The following KLHL12 variants were observed in gnomAD, a reference collection of about 807,000 sequenced individuals.
KLHL12 encodes the protein kelch-like protein 12.
A neutral mutation model predicts 60.8 loss-of-function variants in KLHL12; 17 were observed. The observed-to-expected ratio is 0.28, with a 90% CI of 0.19 to 0.42. The LOEUF (loss-of-function observed/expected upper bound fraction) is 0.42. Ranked by LOEUF, KLHL12 falls within the 10% of genes least tolerant of loss-of-function variation. KLHL12 has a pLI of 1.00. For missense variants in KLHL12, 468 were observed against 722.3 expected (o/e 0.65, Z 4.04); for synonymous variants, 220 against 250.9 (o/e 0.88, Z 1.16).
At chr1:202,916,345 C>T (rs1047197133) in intron 4 of KLHL12, among the ~76,000 whole-genome samples, 1 of 152,204 alleles carries the variant, frequency 6.6e-6, no homozygotes, top group African/African-American at 2.4e-5. Flanking sequence ...AAACACTTGG[C>T]TAAAATTTGA....
chr1:202,894,114 T>C (rs948689583), intron 10 of KLHL12, 70 bp downstream of exon 10: 1 of 837,392 alleles, frequency 1.2e-6, no homozygotes, highest in Non-Finnish European at 2.0e-6. Flanking sequence ...GTTTGTCCCA[T>C]GCACCACCAT....
intron 2 of KLHL12, among the ~76,000 whole-genome samples, chr1:202,922,866 G>A (rs959202418): frequency 1.3e-5 from 2 of 150,646 alleles, no homozygotes; most frequent in Non-Finnish European, 3.0e-5. Context: ...AAAAAAAAAA[G>A]AGAGAGAGAG....
Position 202,891,478 on chromosome 1 carries a change from T to C in KLHL12, c.*1055A>G, listed in dbSNP as rs904194609. The stretch of plus-strand genomic sequence containing the variant: ...CAAACACAGCAGTACAAACCACTCC[T>C]TGGCAGACATGTGCTTCTAAAAGAA... On this transcript the variant is annotated 3_prime_UTR_variant, in exon 12 of 12. Coordinates refer to ENST00000367261, the MANE Select transcript of KLHL12 (RefSeq NM_021633.4). 1.3e-5 allele frequency: 2 copies of C among 152,500 alleles called. No individual in the cohort carries two copies. The highest frequency in any genetic ancestry group is 6.5e-5 in the Admixed American group (1 of 15,286). 9.4% of individuals were successfully genotyped at this position (152,500 alleles called of 1,614,324 possible). A position where few individuals can be genotyped will look rare whatever the true frequency, so the allele number is the denominator to read the frequency against.
At chr1:202,922,812 T>G (rs1314226543) in intron 2 of KLHL12, among the ~76,000 whole-genome samples, 1 of 151,982 alleles carries the variant, frequency 6.6e-6, no homozygotes, top group African/African-American at 2.4e-5. Context: ...ACCAGTCACT[T>G]AGCTAGTAAG....
At chr1:202,923,125 T>C (rs1660748555) in intron 2 of KLHL12, among the ~76,000 whole-genome samples, 1 of 152,140 alleles carries the variant, frequency 6.6e-6, no homozygotes, top group South Asian at 2.1e-4. Flanking sequence ...GACAAAACCA[T>C]CTAGCATTTC....
At chr1:202,911,301 T>G (rs1571531503) in intron 4 of KLHL12, 98 bp from the exon 5 acceptor site, 2 of 1,320,590 alleles carry the variant, frequency 1.5e-6, no homozygotes, top group South Asian at 2.6e-5. Context: ...TGCTTCCCAT[T>G]GCCCACCACC....
chr1:202,918,426 T>C (rs1032507401), intron 3 of KLHL12, 38 bp from the exon 4 acceptor site: 3 of 1,465,478 alleles, frequency 2.0e-6, no homozygotes, highest in Admixed American at 1.7e-5. Context: ...TTAGAATAGT[T>C]GGACAGGTGT....
chr1:202,898,912 A>T (rs768583903), intron 6 of KLHL12, among the ~76,000 whole-genome samples: 7 of 151,216 alleles, frequency 4.6e-5, no homozygotes, highest in Non-Finnish European at 1.0e-4. Flanking sequence ...GTGATTTTAA[A>T]CAGTGATAAT....
intron 6 of KLHL12, among the ~76,000 whole-genome samples, chr1:202,904,463 G>A (rs1264825544): frequency 1.3e-5 from 2 of 152,040 alleles, no homozygotes; most frequent in South Asian, 2.1e-4. Context: ...GAACTCCTAA[G>A]GTTTTAATGT....
At chr1:202,904,249 C>T (rs984764068) in intron 6 of KLHL12, among the ~76,000 whole-genome samples, 2 of 152,200 alleles carry the variant, frequency 1.3e-5, no homozygotes, top group Non-Finnish European at 2.9e-5. Context: ...GGTGATCCAC[C>T]TGCCTCAGCC....
At chr1:202,912,029 T>C in intron 4 of KLHL12, 1 of 786,466 alleles carries the variant, frequency 1.3e-6, no homozygotes, top group Non-Finnish European at 2.3e-6. Flanking sequence ...GATGCAGCCA[T>C]GAATGCAAGG....
chr1:202,893,467 C>A lies in KLHL12; in HGVS notation c.1394-42G>T. The A allele has an allele frequency of 1.3e-6, 2 of 1,505,230 alleles. No homozygotes were observed. Among genetic ancestry groups the A allele is most frequent in the Non-Finnish European group, 1.8e-6 (2 of 1,097,312 alleles). The allele number at this position is 1,505,230 out of a possible 1,614,324, so 93.2% of individuals were successfully genotyped here. Reference sequence around the variant, plus strand: ...CATTAGCAAATGTATGGTACTAAGCCTAGAATCTGAATTATAGAAATAAAC... The same window carrying A: ...CATTAGCAAATGTATGGTACTAAGCATAGAATCTGAATTATAGAAATAAAC... On this transcript the variant is annotated intron_variant, in intron 10 of 11. Coordinates refer to ENST00000367261, the MANE Select transcript of KLHL12 (RefSeq NM_021633.4). This position sits in a 1 kb window ranked among gnomAD's most constrained non-coding sequence, Gnocchi z 4.1.
chr1:202,906,225 G>A (rs1288823548), intron 6 of KLHL12, among the ~76,000 whole-genome samples: 1 of 149,868 alleles, frequency 6.7e-6, no homozygotes, highest in African/African-American at 2.4e-5. Context: ...GGCTGAGGTG[G>A]GCGGATCACC....
rs72752784 is a variant in KLHL12 at position 202,919,422 on chromosome 1, T to C, written c.349+333A>G. ...ATAAAGAGTATCCATGTAGGCTATG[T>C]ATAGTATCACTTTTTTATTATATTT... On this transcript the variant is annotated intron_variant, in intron 3 of 11. Coordinates refer to ENST00000367261, the MANE Select transcript of KLHL12 (RefSeq NM_021633.4). 8.5e-3 allele frequency among the ~76,000 whole-genome samples: 1,292 copies of C among 152,302 alleles called. 35 individuals are homozygous for C. The highest frequency in any genetic ancestry group is 0.076 in the East Asian group (395 of 5,182).
chr1:202,902,796 C>G (rs1235960896), intron 6 of KLHL12, among the ~76,000 whole-genome samples: 1 of 152,026 alleles, frequency 6.6e-6, no homozygotes, highest in Non-Finnish European at 1.5e-5. Context: ...TCAAGACCAG[C>G]CTGAGCAGCA....
chr1:202,920,985 G>A (rs1244162437), intron 2 of KLHL12, among the ~76,000 whole-genome samples: 1 of 151,968 alleles, frequency 6.6e-6, no homozygotes, highest in Non-Finnish European at 1.5e-5. Flanking sequence ...GGACTACCTA[G>A]TTCCTATCAT....
intron 6 of KLHL12, among the ~76,000 whole-genome samples, chr1:202,903,860 C>T (rs1040184642): frequency 2.0e-5 from 3 of 151,502 alleles, no homozygotes; most frequent in African/African-American, 4.8e-5. Context: ...TGGGCTCCAT[C>T]GCCTGCCTCA....
intron 6 of KLHL12, among the ~76,000 whole-genome samples, chr1:202,901,938 G>A (rs970566303): frequency 1.3e-5 from 2 of 151,914 alleles, no homozygotes; most frequent in African/African-American, 4.8e-5. Context: ...CCCCACTCAC[G>A]TATTACCCCT....
rs1659856703 is a variant in KLHL12, at chr1:202,897,054, G to A, written c.833-94C>T. On this transcript the variant is annotated intron_variant, in intron 6 of 11. Transcript: ENST00000367261. ...GTGTCAACAGAAACAGTTCTAGGAT[G>A]TCTTGTTTTATGTGGCTGAGGGATG... 4.2e-6 allele frequency: 4 copies of A among 946,686 alleles called. No homozygotes were observed. In the East Asian group the frequency reaches 9.6e-5, roughly 23 times the overall value. The allele number at this position is 946,686 out of a possible 1,614,324, so 58.6% of individuals were successfully genotyped here. A position where few individuals can be genotyped will look rare whatever the true frequency, so the allele number is the denominator to read the frequency against.
Sources: allele counts gnomAD v4.1 joint callset (sites outside exome capture counted in the v4.1 genomes callset), GRCh38; gene constraint gnomAD v4.1.1; non-coding constraint Gnocchi (gnomAD v3.1); transcripts MANE v1.5; gene names NCBI Gene and HGNC (gene_info 2026-07-23, HGNC 2026-07-21).